Variants in TSGA10 observed in about 807,000 individuals in gnomAD.
TSGA10 encodes testis specific 10.
A neutral mutation model predicts 96.6 loss-of-function variants in TSGA10; 43 were observed. That is an observed-to-expected ratio of 0.44 (90% CI 0.35 to 0.57). TSGA10 has a LOEUF of 0.57. Among genes scored for constraint, TSGA10 ranks in the 20% least tolerant of loss-of-function variants. TSGA10 has a pLI of 0.01. For missense variants in TSGA10, 703 were observed against 834.4 expected (o/e 0.84, Z 1.94); for synonymous variants, 229 against 269.9 (o/e 0.85, Z 1.48).
intron 10 of TSGA10, among the ~76,000 whole-genome samples, chr2:99,095,453 T>C (rs2089929578): frequency 6.6e-6 from 1 of 152,152 alleles, no homozygotes; most frequent in Non-Finnish European, 1.5e-5. Context: ...TATTAAAGAT[T>C]GTACTATTAA....
intron 20 of TSGA10, among the ~76,000 whole-genome samples, chr2:99,009,114 A>G (rs2078768235): frequency 1.3e-5 from 2 of 152,184 alleles, no homozygotes; most frequent in African/African-American, 4.8e-5. Context: ...ATTCAAAAAT[A>G]AAATTAAGTT....
chr2:99,087,112 G>A (rs760516132), intron 10 of TSGA10, among the ~76,000 whole-genome samples: 1 of 152,074 alleles, frequency 6.6e-6, no homozygotes, highest in African/African-American at 2.4e-5. Flanking sequence ...GCTGAGGCAA[G>A]AGAATGGCGT....
intron 5 of TSGA10, among the ~76,000 whole-genome samples, chr2:99,110,055 T>C (rs1291663669): frequency 6.6e-6 from 1 of 152,006 alleles, no homozygotes; most frequent in Non-Finnish European, 1.5e-5. Context: ...GTCCCAGCTA[T>C]TTGGGAGGTT....
intron 1 of TSGA10, chr2:99,141,131 A>G: frequency 7.8e-7 from 1 of 1,278,964 alleles, no homozygotes; most frequent in African/African-American, 1.5e-5. Flanking sequence ...CGTCCTGCCC[A>G]GAGCTCATCC....
intron 17 of TSGA10, among the ~76,000 whole-genome samples, chr2:99,022,419 C>G (rs146359432): frequency 0.011 from 1,627 of 148,278 alleles, 9 homozygotes; most frequent in Middle Eastern, 0.029. Context: ...TTGCCTTATT[C>G]TGGGTATTCC....
At chr2:99,056,552 T>G (rs2084014299) in intron 16 of TSGA10, among the ~76,000 whole-genome samples, 1 of 152,134 alleles carries the variant, frequency 6.6e-6, no homozygotes, top group Non-Finnish European at 1.5e-5. Flanking sequence ...AAGAAATTGA[T>G]TAGCAATTTT....
chr2:99,032,327 A>C (rs2081210030), intron 17 of TSGA10, among the ~76,000 whole-genome samples: 1 of 152,370 alleles, frequency 6.6e-6, no homozygotes, highest in Non-Finnish European at 1.5e-5. Flanking sequence ...ATGATGAGAC[A>C]GCAGAAGAAT....
At chr2:99,094,864 TG>T (rs1438565466) in intron 10 of TSGA10, among the ~76,000 whole-genome samples, 2 of 152,098 alleles carry the variant, frequency 1.3e-5, no homozygotes, top group Non-Finnish European at 2.9e-5. Flanking sequence ...AAGAACTAAA[TG>T]TAAAACCATT....
At chr2:99,064,853 T>C in intron 16 of TSGA10, 86 bp downstream of exon 16, 2 of 1,127,400 alleles carry the variant, frequency 1.8e-6, no homozygotes, top group Non-Finnish European at 2.5e-6. Context: ...TACGTGTTTG[T>C]TCATACATTT....
chr2:99,133,326 A>C (rs1023053821), intron 1 of TSGA10, among the ~76,000 whole-genome samples: 2 of 152,070 alleles, frequency 1.3e-5, no homozygotes, highest in African/African-American at 2.4e-5. Flanking sequence ...TTGATCCCTT[A>C]ACCATTATGT....
chr2:99,027,098 T>C (rs1553433933), intron 17 of TSGA10, among the ~76,000 whole-genome samples: 2 of 152,216 alleles, frequency 1.3e-5, no homozygotes, highest in Non-Finnish European at 1.5e-5. Flanking sequence ...CAGGCAGTAA[T>C]GCTCACTCAC....
Position 99,140,805 on chromosome 2 carries a change from A to G in TSGA10, c.-620-13629T>C, listed in dbSNP as rs540263924. ...GTTTCTAAACTGAACAGTCTCCCCA[A>G]CAACCAAGCGGAGAGCTGCGGGAGG... On this transcript the variant is annotated intron_variant, in intron 1 of 20. Coordinates refer to ENST00000393483, the MANE Select transcript of TSGA10 (RefSeq NM_025244.4). Among the ~76,000 whole-genome samples, 54 of 152,144 alleles carry G rather than the reference A, an allele frequency of 3.5e-4. No homozygotes were observed. The South Asian group carries it at 0.01, about 29-fold the overall frequency.
Position 99,133,389 on chromosome 2 carries a change from C to T in TSGA10, c.-620-6213G>A, listed in dbSNP as rs1222491479. ...TTTGTTGGTTTAAAGTCTGTTTTATCAGAGACTAGAACTGCAACCCCTGCT... is the reference window on the plus strand; with the variant it reads ...TTTGTTGGTTTAAAGTCTGTTTTATTAGAGACTAGAACTGCAACCCCTGCT... On this transcript the variant is annotated intron_variant, in intron 1 of 20. Transcript: ENST00000393483. Among the ~76,000 whole-genome samples the T allele has an allele frequency of 2.0e-5, 3 of 152,136 alleles. No individual in the cohort carries two copies. The East Asian group carries it at 5.8e-4, about 29-fold the overall frequency.
intron 16 of TSGA10, among the ~76,000 whole-genome samples, chr2:99,043,988 T>G (rs987174642): frequency 6.6e-6 from 1 of 152,118 alleles, no homozygotes; most frequent in African/African-American, 2.4e-5. Flanking sequence ...GCTGGGACAT[T>G]TTGTTACCAC....
At chr2:99,014,355 T>C (rs1290523744) in intron 20 of TSGA10, among the ~76,000 whole-genome samples, 1 of 151,818 alleles carries the variant, frequency 6.6e-6, no homozygotes, top group Non-Finnish European at 1.5e-5. Context: ...ATAATAATTA[T>C]CATCATCATC....
At chr2:99,003,545 T>C (rs1045968181) in intron 20 of TSGA10, among the ~76,000 whole-genome samples, 4 of 152,160 alleles carry the variant, frequency 2.6e-5, no homozygotes, top group African/African-American at 9.7e-5. Flanking sequence ...ACCACATAGT[T>C]GGAAGTAAAG....
At chr2:99,074,358 G>GTGTGTGTGTGTGTGTGTC (rs2086415971) in intron 12 of TSGA10, among the ~76,000 whole-genome samples, 1 of 151,596 alleles carries the variant, frequency 6.6e-6, no homozygotes, top group Non-Finnish European at 1.5e-5. Flanking sequence ...TTGCGTGTGT[G>GTGTGTGTGTGTGTGTGTC]TGTGTGTGTG....
chr2:99,028,250 T>C (rs1054321096), intron 17 of TSGA10, among the ~76,000 whole-genome samples: 7 of 152,240 alleles, frequency 4.6e-5, no homozygotes, highest in Admixed American at 4.6e-4. Flanking sequence ...AACTGTGGGT[T>C]ACCTTGCTTC....
chr2:99,047,409 G>C (rs1573822433), intron 16 of TSGA10, among the ~76,000 whole-genome samples: 1 of 152,290 alleles, frequency 6.6e-6, no homozygotes, highest in African/African-American at 2.4e-5. Context: ...GGGATGCAAG[G>C]CTGGTTCAAC....
Sources: allele counts gnomAD v4.1 joint callset (sites outside exome capture counted in the v4.1 genomes callset), GRCh38; gene constraint gnomAD v4.1.1; transcripts MANE v1.5; gene names NCBI Gene and HGNC (gene_info 2026-07-23, HGNC 2026-07-21).